Variants in NUP205 observed in about 807,000 individuals in gnomAD.
NUP205 encodes the protein nucleoporin 205, also known as nuclear pore complex protein Nup205.
Under a neutral mutation model 253.8 loss-of-function variants are expected in NUP205, and 76 were observed. The observed-to-expected ratio is 0.30, with a 90% CI of 0.25 to 0.36. NUP205 has a LOEUF of 0.36. NUP205 is among the 10% of genes least tolerant of loss of function. The probability of loss-of-function intolerance (pLI) is 1.00; values close to 1 mark genes in which losing one functional copy is unlikely to be tolerated. For synonymous variants in NUP205, 832 were observed against 850.1 expected, an observed-to-expected ratio of 0.98 and a Z score of 0.37; for missense variants, 2,162 against 2,425.5, an observed-to-expected ratio of 0.89 and a Z score of 2.28.
At chr7:135,601,275 C>T in intron 16 of NUP205, 95 bp from the exon 17 acceptor site, 1 of 1,125,988 alleles carries the variant, frequency 8.9e-7, no homozygotes, top group Non-Finnish European at 1.3e-6. Context: ...ATCTAGATGC[C>T]ATCTAATTTA....
chr7:135,597,244 T>A, intron 13 of NUP205, 124 bp from the exon 14 acceptor site: 1 of 616,274 alleles, frequency 1.6e-6, no homozygotes, highest in East Asian at 2.7e-5. Context: ...TGATTGTCAT[T>A]TTGGTGGACA....
chr7:135,577,803 A>G lies in NUP205; in HGVS notation c.656A>G (p.Asp219Gly), dbSNP rs1295131049. ...GSEKHRKEVSDLIKECRQSLA... is the reference protein window; with the variant it reads ...GSEKHRKEVSGLIKECRQSLA... ...TCATGTTTTTATTTCTAGGTTTCTG[A>G]TCTCATTAAGGAGTGCAGGCAGTCT... Residue 219 changes from aspartate to glycine, a missense_variant, in exon 6 of 43, where the codon GAT (aspartate) becomes GGT (glycine). This residue lies in a region of NUP205 where 892 missense variants were observed against 957.1 expected (regional missense o/e 0.93). Transcript: ENST00000285968. 6.2e-7 allele frequency: 1 copy of G among 1,612,274 alleles called. No homozygotes were observed. Among genetic ancestry groups the G allele is most frequent in the Non-Finnish European group, 8.5e-7 (1 of 1,178,430 alleles).
Position 135,602,906 on chromosome 7 carries a change from C to T in NUP205, c.2614C>T (p.Leu872=), listed in dbSNP as rs1295143938. Residue 872 remains leucine (L), a synonymous_variant, in exon 18 of 43, where the codon CTG becomes TTG. Transcript: ENST00000285968. ...TATGGACCTTCTAAGAGAGAGTCAA[C>T]TGGCTCTAATAGTCTGTCCTTTAGA... ...LFMDLLRESQ[L]ALIVCPLEQL... is the part of the protein sequence containing the mutation. 1 of 1,613,354 alleles carries T rather than the reference C, an allele frequency of 6.2e-7. No homozygotes were observed. The highest frequency in any genetic ancestry group is 8.5e-7 in the Non-Finnish European group (1 of 1,179,348).
chr7:135,593,600 T>C (rs1024972564), intron 12 of NUP205, among the ~76,000 whole-genome samples: 2 of 152,232 alleles, frequency 1.3e-5, no homozygotes, highest in African/African-American at 4.8e-5. Context: ...CCATTTTATC[T>C]GCCACTACCA....
rs7810818 is a variant in NUP205, at chr7:135,619,711, C to G, written c.4231+21C>G. 1.9e-3 allele frequency: 3,111 copies of G among 1,598,462 alleles called. 62 individuals are homozygous for G. The African/African-American group carries it at 0.037, about 19-fold the overall frequency. ...GACAGGTTTTTTTCATTTAAATTGT[C>G]TATAAATTCTATCTTTTGTATTTGT... On this transcript the variant is annotated intron_variant, in intron 29 of 42. Coordinates refer to ENST00000285968, the MANE Select transcript of NUP205 (RefSeq NM_015135.3).
intron 34 of NUP205, among the ~76,000 whole-genome samples, chr7:135,628,579 C>G (rs1352184064): frequency 6.6e-6 from 1 of 152,146 alleles, no homozygotes; most frequent in African/African-American, 2.4e-5. Flanking sequence ...ATTTTGCTGT[C>G]AAAATTTTTT....
At chr7:135,596,795 C>CAA (rs367765752) in intron 13 of NUP205, among the ~76,000 whole-genome samples, 6 of 141,558 alleles carry the variant, frequency 4.2e-5, no homozygotes, top group Non-Finnish European at 7.7e-5. Context: ...ACTAAAAATA[C>CAA]AAAAAAAAAA....
At chr7:135,607,811 T>G (rs942818337) in intron 22 of NUP205, among the ~76,000 whole-genome samples, 3 of 146,200 alleles carry the variant, frequency 2.1e-5, no homozygotes, top group African/African-American at 7.5e-5. Context: ...GTGAAAGCAC[T>G]TTTTTTTTTT....
intron 7 of NUP205, 83 bp downstream of exon 7, chr7:135,578,998 C>T: frequency 1.9e-6 from 2 of 1,031,662 alleles, no homozygotes; most frequent in Non-Finnish European, 1.4e-6. Flanking sequence ...TTATCTTTGA[C>T]ATACATAAGC....
At chr7:135,578,104 T>A in intron 6 of NUP205, 80 bp downstream of exon 6, 1 of 989,938 alleles carries the variant, frequency 1.0e-6, no homozygotes, top group Non-Finnish European at 1.6e-6. Context: ...AGGGTGATAT[T>A]TTAGCTACTA....
chr7:135,597,194 C>T (rs995270264), intron 13 of NUP205, 174 bp from the exon 14 acceptor site: 13 of 470,236 alleles, frequency 2.8e-5, no homozygotes, highest in Non-Finnish European at 4.6e-5. Context: ...TCTATCTCAA[C>T]CTGGCAGAAC....
Position 135,617,610 on chromosome 7 carries a change from T to A in NUP205, c.3699T>A (p.His1233Gln). Residue 1233 changes from histidine to glutamine, a missense_variant, in exon 27 of 43, where the codon CAT becomes CAA. His to Gln is a conservative substitution (Grantham distance 24). Coordinates refer to ENST00000285968, the MANE Select transcript of NUP205 (RefSeq NM_015135.3). ...TTTTCCTAATTATCCAGCTTCTTCA[T>A]AGGGTTCTTGTAGCTGAAGTAAATG... ...GQTVCNVKLL[H>Q]RVLVAEVNAL... 6.2e-7 allele frequency: 1 copy of A among 1,612,008 alleles called. No individual in the cohort carries two copies. Among genetic ancestry groups the A allele is most frequent in the Non-Finnish European group, 8.5e-7 (1 of 1,178,256 alleles).
At chr7:135,577,230 G>C (rs1313767243) in intron 5 of NUP205, 102 bp downstream of exon 5, 1 of 1,151,938 alleles carries the variant, frequency 8.7e-7, no homozygotes, top group African/African-American at 1.6e-5. Context: ...TTATGTAGCT[G>C]ATACCATGCC....
At chr7:135,567,174 A>ATG (rs1554455583) in intron 1 of NUP205, among the ~76,000 whole-genome samples, 32 of 105,826 alleles carry the variant, frequency 3.0e-4, no homozygotes, top group Non-Finnish European at 5.4e-4. Flanking sequence ...ATATATATAT[A>ATG]TATATATGTA....
chr7:135,600,731 A>C (rs755594416), intron 15 of NUP205, 139 bp from the exon 16 acceptor site: 1 of 444,532 alleles, frequency 2.2e-6, no homozygotes, highest in South Asian at 6.9e-5. Flanking sequence ...GGATTTCTAT[A>C]TTGCTTAGCG....
chr7:135,630,639 C>G (rs1368311712), intron 35 of NUP205, among the ~76,000 whole-genome samples, 169 bp downstream of exon 35: 1 of 152,080 alleles, frequency 6.6e-6, no homozygotes, highest in Non-Finnish European at 1.5e-5. Flanking sequence ...ATGATACATG[C>G]TTGGCTGGGT....
intron 2 of NUP205, among the ~76,000 whole-genome samples, chr7:135,572,381 A>T (rs1806021253): frequency 6.6e-6 from 1 of 152,106 alleles, no homozygotes; most frequent in East Asian, 1.9e-4. Flanking sequence ...ATGTACGTTA[A>T]AATTTTAAGT....
rs374318185 is a variant in NUP205, at chr7:135,614,260, A to G, written c.3297A>G (p.Pro1099=). Residue 1099 remains proline, a synonymous_variant, in exon 23 of 43, where the codon CCA becomes CCG. Transcript: ENST00000285968. ...DFLFSQLQYL[P]FSNKEYEISM... ...TATTTTCCCAGTTGCAGTATCTACC[A>G]TTTTCTAACAAAGGTAGGCCATTAT... The G allele has an allele frequency of 2.4e-5, 38 of 1,566,656 alleles. No individual in the cohort carries two copies. The highest frequency in any genetic ancestry group is 3.2e-5 in the Non-Finnish European group (36 of 1,137,468).
chr7:135,645,883 A>G (rs1439475180), intron 41 of NUP205: 2 of 576,172 alleles, frequency 3.5e-6, no homozygotes, highest in Non-Finnish European at 6.1e-6. Flanking sequence ...GTCTGCTATT[A>G]TGCTGATTCT....
Sources: gnomAD v4.1 joint callset for allele counts (sites outside exome capture counted in the v4.1 genomes callset) on GRCh38, gnomAD v4.1.1 for gene constraint, gnomAD v4.1.1 regional missense constraint, MANE v1.5 for transcripts, NCBI Gene and HGNC (gene_info 2026-07-23, HGNC 2026-07-21) for gene names.